Variants in THBS4 observed in about 807,000 individuals in gnomAD.
THBS4 encodes thrombospondin-4.
THBS4 carries 90 observed loss-of-function variants against 115.7 expected under a neutral mutation model. The ratio of observed to expected loss-of-function variants is 0.78; its 90% CI spans 0.66 to 0.93. The LOEUF is 0.93. THBS4 is among the 40% of genes least tolerant of loss of function. THBS4 has a pLI of 0.00. For missense variants in THBS4, 1,087 were observed against 1,232.7 expected, an observed-to-expected ratio of 0.88 and a Z score of 1.77; for synonymous variants, 460 against 479.3, an observed-to-expected ratio of 0.96 and a Z score of 0.53.
At chr5:79,996,157 G>A (rs972661300) in intron 1 of THBS4, among the ~76,000 whole-genome samples, 16 of 151,580 alleles carry the variant, frequency 1.1e-4, no homozygotes, top group African/African-American at 3.4e-4. Flanking sequence ...AAAAAAAGGC[G>A]GAATAATTTA....
intron 8 of THBS4, among the ~76,000 whole-genome samples, chr5:80,063,039 G>A (rs901293205): frequency 1.3e-5 from 2 of 152,086 alleles, no homozygotes. Context: ...TAAGCCTTTG[G>A]GTATATGCCC....
intron 15 of THBS4, among the ~76,000 whole-genome samples, chr5:80,074,793 A>C (rs1223678371): frequency 1.3e-5 from 2 of 152,024 alleles, no homozygotes; most frequent in African/African-American, 4.8e-5. Context: ...TTGTATTTTT[A>C]GTAGAGACAG....
At chr5:80,031,583 T>G (rs761488355), upstream of THBS4, among the ~76,000 whole-genome samples, 2 of 152,242 alleles carry the variant, frequency 1.3e-5, no homozygotes, top group Non-Finnish European at 2.9e-5. Context: ...CTCATTCATC[T>G]GTCAGCTTGA....
intron 2 of THBS4, among the ~76,000 whole-genome samples, chr5:80,042,314 A>C (rs1392622950): frequency 6.6e-6 from 1 of 152,262 alleles, no homozygotes; most frequent in African/African-American, 2.4e-5. Flanking sequence ...TGTGATCGTA[A>C]AAATCACCGT....
intron 2 of THBS4, among the ~76,000 whole-genome samples, chr5:80,020,289 G>A (rs889172095): frequency 3.3e-5 from 5 of 152,060 alleles, no homozygotes; most frequent in South Asian, 2.1e-4. Context: ...TGGCTAAGAC[G>A]GTGAAACCCC....
intron 2 of THBS4, among the ~76,000 whole-genome samples, chr5:80,028,440 C>T (rs1173254463): frequency 6.6e-6 from 1 of 151,956 alleles, no homozygotes; most frequent in Non-Finnish European, 1.5e-5. Flanking sequence ...CTATACCTCC[C>T]CCGCACCATA....
At chr5:80,081,801 G>A (rs1448175494) in intron 20 of THBS4, among the ~76,000 whole-genome samples, 1 of 152,180 alleles carries the variant, frequency 6.6e-6, no homozygotes, top group Middle Eastern at 3.2e-3. Context: ...GAAGTGTATG[G>A]AATGCAGGAC....
intron 2 of THBS4, among the ~76,000 whole-genome samples, chr5:80,047,269 C>T (rs556116519): frequency 1.3e-5 from 2 of 152,338 alleles, no homozygotes; most frequent in African/African-American, 2.4e-5. Context: ...GTCCAGGCCA[C>T]ATCTAATACT....
Position 80,076,954 on chromosome 5 carries a change from T to C in THBS4, c.1992T>C (p.Asp664=). ...AGGATGGAATTGGTGACGAGTGTGA[T>C]GATGATGATGACAATGATGGTATCC... ...TDKDGIGDEC[D]DDDDNDGIPD... Residue 664 remains aspartate (D), a synonymous_variant, in exon 16 of 22, where the codon GAT becomes GAC. Coordinates refer to ENST00000350881, the MANE Select transcript of THBS4 (RefSeq NM_003248.6). 1 of 1,613,780 alleles carries C rather than the reference T, an allele frequency of 6.2e-7. No individual in the cohort carries two copies. Among genetic ancestry groups the C allele is most frequent in the Non-Finnish European group, 8.5e-7 (1 of 1,179,904 alleles).
At chr5:80,025,258 A>G (rs1005355078) in intron 2 of THBS4, among the ~76,000 whole-genome samples, 2 of 152,224 alleles carry the variant, frequency 1.3e-5, no homozygotes, top group African/African-American at 2.4e-5. Flanking sequence ...ACATGCATAT[A>G]TATGCATGCA....
At position 80,059,452 on chromosome 5, in the gene THBS4, T is replaced by C. The variant is rs1833549409; in HGVS notation, c.745T>C (p.Ser249Pro). Reference protein sequence around the residue: ...DLLRQQVKETSFLRNTIAECQ... With the variant: ...DLLRQQVKETPFLRNTIAECQ... ...CTCATTTTTAAAGGTTAAGGAAACA[T>C]CATTTTTGCGAAACACCATAGCTGA... The change falls in exon 6 of 22, where the codon TCA becomes CCA. Residue 249 changes from serine (S) to proline (P), a missense_variant. This residue lies in a region of THBS4 where 979 missense variants were observed against 1,103.7 expected (regional missense o/e 0.89). Transcript: ENST00000350881. The C allele has an allele frequency of 6.2e-7, 1 of 1,613,920 alleles. No homozygotes were observed. Among genetic ancestry groups the C allele is most frequent in the Non-Finnish European group, 8.5e-7 (1 of 1,179,982 alleles).
intron 2 of THBS4, among the ~76,000 whole-genome samples, chr5:80,008,193 A>G (rs1341255084): frequency 2.0e-5 from 3 of 152,252 alleles, no homozygotes; most frequent in Non-Finnish European, 4.4e-5. Context: ...ATATTAACAT[A>G]GAAAAATAGT....
chr5:80,083,060 T>G lies in THBS4; in HGVS notation c.2825-20T>G. Reference sequence around the variant, plus strand: ...GTGGAAGGAGCCTCGCTAACCTCCCTGTGCCCATTCCTATTGCAGACACCA... The same window carrying G: ...GTGGAAGGAGCCTCGCTAACCTCCCGGTGCCCATTCCTATTGCAGACACCA... On this transcript the variant is annotated intron_variant, in intron 21 of 21. Transcript: ENST00000350881. 5 of 1,611,804 alleles carry G rather than the reference T, an allele frequency of 3.1e-6. No homozygotes were observed. The highest frequency in any genetic ancestry group is 4.2e-6 in the Non-Finnish European group (5 of 1,177,922).
Position 80,004,833 on chromosome 5 carries a change from G to A in THBS4, n.177+6406G>A, listed in dbSNP as rs574216336. ...GCTCACTGCAACCTCCGCCTCCCGG[G>A]TTCAAGTGATTCTCCTGCCTCAGCC... On this transcript the variant is annotated intron_variant and non_coding_transcript_variant, in intron 2 of 3. Coordinates refer to the THBS4 transcript ENST00000510218. Among the ~76,000 whole-genome samples the A allele has an allele frequency of 1.6e-3, 236 of 152,242 alleles. 1 individual carries two copies. Among genetic ancestry groups the A allele is most frequent in the African/African-American group, 5.3e-3 (222 of 41,552 alleles).
Position 80,071,185 on chromosome 5 carries a change from A to C in THBS4, c.1720+5A>C. Reference sequence around the variant, plus strand: ...ATGATGACATGGATGGAGATGGTAGATTTATCTTGCTTTTGTCTTTTATTT... The same window carrying C: ...ATGATGACATGGATGGAGATGGTAGCTTTATCTTGCTTTTGTCTTTTATTT... On this transcript the variant is annotated splice_donor_5th_base_variant and intron_variant, in intron 13 of 21. Coordinates refer to ENST00000350881, the MANE Select transcript of THBS4 (RefSeq NM_003248.6). The C allele has an allele frequency of 6.4e-7, 1 of 1,565,634 alleles. No individual in the cohort carries two copies. Among genetic ancestry groups the C allele is most frequent in the African/African-American group, 1.4e-5 (1 of 72,124 alleles).
intron 2 of THBS4, among the ~76,000 whole-genome samples, chr5:80,046,456 G>A (rs1008634934): frequency 6.6e-6 from 1 of 152,194 alleles, no homozygotes; most frequent in African/African-American, 2.4e-5. Flanking sequence ...AGGGAAGGGT[G>A]GATTCTGAAA....
intron 8 of THBS4, among the ~76,000 whole-genome samples, chr5:80,062,350 T>C (rs1213443935): frequency 6.6e-6 from 1 of 152,220 alleles, no homozygotes; most frequent in Non-Finnish European, 1.5e-5. Context: ...TATTTCCCAA[T>C]GCTCTACTAT....
intron 2 of THBS4, among the ~76,000 whole-genome samples, chr5:80,021,562 C>T (rs1403443560): frequency 2.0e-5 from 3 of 151,918 alleles, no homozygotes; most frequent in Non-Finnish European, 4.4e-5. Context: ...GCTGGAGTGT[C>T]GTGGTACAGT....
chr5:80,074,596 C>T (rs1743098430), intron 15 of THBS4, among the ~76,000 whole-genome samples: 1 of 151,532 alleles, frequency 6.6e-6, no homozygotes, highest in Non-Finnish European at 1.5e-5. Flanking sequence ...TACTCAAGGA[C>T]AGCTCCTATG....
Sources: gnomAD v4.1 joint callset for allele counts (sites outside exome capture counted in the v4.1 genomes callset) on GRCh38, gnomAD v4.1.1 for gene constraint, gnomAD v4.1.1 regional missense constraint, MANE v1.5 for transcripts, NCBI Gene and HGNC (gene_info 2026-07-23, HGNC 2026-07-21) for gene names.